The following PCDHA2 variants were observed in gnomAD, a reference collection of about 807,000 sequenced individuals.
PCDHA2 encodes the protein protocadherin alpha 2.
Under a neutral mutation model 66.0 loss-of-function variants are expected in PCDHA2, and 58 were observed. The ratio of observed to expected loss-of-function variants is 0.88; its 90% CI spans 0.71 to 1.09. The LOEUF (loss-of-function observed/expected upper bound fraction) is 1.09, where lower values mean the gene tolerates loss of function less well. PCDHA2 is among the 50% of genes least tolerant of loss of function. PCDHA2 has a pLI of 0.00. For missense variants in PCDHA2, 1,267 were observed against 1,242.3 expected (o/e 1.02, Z -0.30); for synonymous variants, 634 against 554.0 (o/e 1.14, Z -2.03).
In PCDHA2 at chr5:140,885,198, T is replaced by A. The variant is rs531029212; in HGVS notation, c.2388+87846T>A. On this transcript the variant is annotated intron_variant, in intron 1 of 3. Coordinates refer to ENST00000526136, the MANE Select transcript of PCDHA2 (RefSeq NM_018905.3). ...TAGGCACATCAGTGTTCCCCTCTCATATATCCCATGAAAAATATCTTGTGA... is the reference window on the plus strand; with the variant it reads ...TAGGCACATCAGTGTTCCCCTCTCAAATATCCCATGAAAAATATCTTGTGA... Among the ~76,000 whole-genome samples the A allele has an allele frequency of 5.9e-5, 9 of 152,276 alleles. No homozygotes were observed. In the South Asian group the frequency reaches 1.7e-3, roughly 28 times the overall value.
chr5:140,842,233 T>C (rs2150332327), intron 1 of PCDHA2: 1 of 1,612,914 alleles, frequency 6.2e-7, no homozygotes, highest in Admixed American at 1.7e-5. Context: ...AAATAGTGAT[T>C]CGGGGTAATT....
intron 2 of PCDHA2, among the ~76,000 whole-genome samples, chr5:140,979,425 A>G (rs1009935948): frequency 2.0e-5 from 3 of 151,814 alleles, no homozygotes; most frequent in African/African-American, 7.3e-5. Context: ...TTTTAATCTC[A>G]CATTGGCTAT....
intron 1 of PCDHA2, among the ~76,000 whole-genome samples, chr5:140,881,116 TG>T (rs1181000408): frequency 3.3e-5 from 5 of 152,242 alleles, no homozygotes; most frequent in African/African-American, 7.2e-5. Flanking sequence ...CCTGGGATTT[TG>T]TGGCTTGGTA....
rs17119231 is a variant in PCDHA2, at chr5:140,804,783, C to A, written c.2388+7431C>A. 3.2e-3 allele frequency: 849 copies of A among 266,884 alleles called. 8 individuals are homozygous for A. The highest frequency in any genetic ancestry group is 0.024 in the Admixed American group (445 of 18,618). 16.5% of individuals were successfully genotyped at this position (266,884 alleles called of 1,614,324 possible). A position where few individuals can be genotyped will look rare whatever the true frequency, so the allele number is the denominator to read the frequency against. On this transcript the variant is annotated intron_variant, in intron 1 of 3. Transcript: ENST00000526136. ...ATTAGTTGGACTCCCATTTAAGTTT[C>A]CCTACCACTGGAGAGAAATAGTAAC...
In PCDHA2 at chr5:141,011,594, T is replaced by C. The variant is rs2098421156; in HGVS notation, c.*1657T>C. 6.5e-6 allele frequency: 1 copy of C among 153,764 alleles called. No homozygotes were observed. Among genetic ancestry groups the C allele is most frequent in the East Asian group, 1.9e-4 (1 of 5,202 alleles). The allele number at this position is 153,764 out of a possible 1,614,324, so 9.5% of individuals were successfully genotyped here. On this transcript the variant is annotated 3_prime_UTR_variant, in exon 4 of 4. Coordinates refer to ENST00000526136, the MANE Select transcript of PCDHA2 (RefSeq NM_018905.3). ...TTTCTTAAATCAAGATACTGGTGAT[T>C]CAAGGAATTTTATTTATGGTCCAGC...
At chr5:140,991,988 C>T (rs1167776981) in intron 3 of PCDHA2, among the ~76,000 whole-genome samples, 1 of 151,478 alleles carries the variant, frequency 6.6e-6, no homozygotes, top group Non-Finnish European at 1.5e-5. Flanking sequence ...GCCTACCACC[C>T]GGTCTTTCAT....
At chr5:140,845,675 A>G (rs2150380480) in intron 1 of PCDHA2, among the ~76,000 whole-genome samples, 6 of 149,762 alleles carry the variant, frequency 4.0e-5, no homozygotes, top group African/African-American at 7.3e-5. Context: ...AGCCATTGGT[A>G]AAGGATTTGT....
rs994045696 is a variant in PCDHA2 at position 140,859,234 on chromosome 5, T to G, written c.2388+61882T>G. 5 of 142,110 alleles carry G rather than the reference T, an allele frequency of 3.5e-5. 2 individuals carry two copies. The highest frequency in any genetic ancestry group is 8.0e-5 in the Non-Finnish European group (5 of 62,814). The allele number at this position is 142,110 out of a possible 1,614,324, so 8.8% of individuals were successfully genotyped here. A position where few individuals can be genotyped will look rare whatever the true frequency, so the allele number is the denominator to read the frequency against. ...CTCTTTCACTTTAAGGAAGGAGTCA[T>G]GCTTATGTTTAATAATGAAGAGAAT... On this transcript the variant is annotated intron_variant, in intron 1 of 3. Transcript: ENST00000526136.
intron 1 of PCDHA2, chr5:140,865,271 T>C (rs1554159342): frequency 6.6e-6 from 1 of 152,236 alleles, no homozygotes; most frequent in East Asian, 1.9e-4. Flanking sequence ...TCAAATTATA[T>C]GTAAAATTAC....
At chr5:140,952,513 A>T (rs533436826) in intron 1 of PCDHA2, among the ~76,000 whole-genome samples, 7 of 152,028 alleles carry the variant, frequency 4.6e-5, no homozygotes, top group Non-Finnish European at 8.8e-5. Context: ...CCTCATCTCC[A>T]TCTGAGACCT....
chr5:140,928,712 GT>G (rs782592622), intron 1 of PCDHA2: 1 of 1,614,168 alleles, frequency 6.2e-7, no homozygotes, highest in Non-Finnish European at 8.5e-7. Context: ...TCTGACTCTA[GT>G]CTCTTTAGAA....
At chr5:140,868,256 T>TGG (rs2050360583) in intron 1 of PCDHA2, 1 of 152,126 alleles carries the variant, frequency 6.6e-6, no homozygotes, top group Non-Finnish European at 1.5e-5. Context: ...TTTTCCTTTG[T>TGG]GGATTCTTTT....
In PCDHA2 at chr5:140,991,838, G is replaced by A. The variant is rs1056330823; in HGVS notation, c.2536+9275G>A. 3.3e-5 allele frequency among the ~76,000 whole-genome samples: 5 copies of A among 152,110 alleles called. No homozygotes were observed. In the East Asian group the frequency reaches 9.6e-4, roughly 29 times the overall value. ...TTTAGGCATTTATAACGGCAGAACC[G>A]CACTTCCAGATACCAAAATCTGTAT... On this transcript the variant is annotated intron_variant, in intron 3 of 3. Transcript: ENST00000526136.
intron 1 of PCDHA2, chr5:140,814,541 A>G (rs2126656456): frequency 1.5e-4 from 23 of 152,116 alleles, no homozygotes; most frequent in African/African-American, 4.6e-4. Flanking sequence ...TAAAGCAGTA[A>G]CATTTACTAT....
chr5:140,925,082 A>AAAGG (rs138596875), intron 1 of PCDHA2, among the ~76,000 whole-genome samples: 24,812 of 147,244 alleles, frequency 0.17, 2,350 homozygotes, highest in African/African-American at 0.25. Context: ...GCTCATCTGG[A>AAAGG]AAGGAAGGAA....
chr5:140,984,641 C>T (rs2153834832), intron 3 of PCDHA2, among the ~76,000 whole-genome samples: 1 of 152,276 alleles, frequency 6.6e-6, no homozygotes, highest in South Asian at 2.1e-4. Context: ...TCTCTGCCTT[C>T]TCCCTGTCCT....
At chr5:140,941,214 C>CTTTCTTTCTTTCTTTCTTT (rs1554214039) in intron 1 of PCDHA2, among the ~76,000 whole-genome samples, 2,124 of 122,372 alleles carry the variant, frequency 0.017, 57 homozygotes, top group East Asian at 0.032. Flanking sequence ...TTTCTTTCTT[C>CTTTCTTTCTTTCTTTCTTT]CTTTCTTTCT....
At chr5:140,853,193 T>C in intron 1 of PCDHA2, 2 of 981,640 alleles carry the variant, frequency 2.0e-6, no homozygotes, top group Non-Finnish European at 2.5e-6. Context: ...ATGTGTTCTT[T>C]ATTATTGACG....
intron 1 of PCDHA2, chr5:140,969,555 C>A: frequency 1.6e-6 from 2 of 1,213,380 alleles, no homozygotes; most frequent in Non-Finnish European, 2.2e-6. Flanking sequence ...GAAGCCTTGT[C>A]CATAAAATTG....
Sources: allele counts gnomAD v4.1 joint callset (sites outside exome capture counted in the v4.1 genomes callset), GRCh38; gene constraint gnomAD v4.1.1; transcripts MANE v1.5; gene names NCBI Gene and HGNC (gene_info 2026-07-23, HGNC 2026-07-21).